The following ATF7IP variants were observed in gnomAD, a reference collection of about 807,000 sequenced individuals.
ATF7IP encodes the protein activating transcription factor 7 interacting protein, also known as activating transcription factor 7-interacting protein 1.
Under a neutral mutation model 106.4 loss-of-function variants are expected in ATF7IP, and 23 were observed. The ratio of observed to expected loss-of-function variants is 0.22; its 90% confidence interval spans 0.16 to 0.31. The LOEUF is 0.31. Ranked by LOEUF, ATF7IP falls within the 10% of genes least tolerant of loss-of-function variation. The pLI is 1.00. For missense variants in ATF7IP, 1,334 were observed against 1,524.3 expected (o/e 0.88, Z 2.08); for synonymous variants, 542 against 539.0 (o/e 1.01, Z -0.08).
At chr12:14,489,922 A>G (rs1944753547) in intron 13 of ATF7IP, among the ~76,000 whole-genome samples, 1 of 152,200 alleles carries the variant, frequency 6.6e-6, no homozygotes, top group Non-Finnish European at 1.5e-5. Context: ...GTATATGTCT[A>G]TTCCAGGGAG....
intron 2 of ATF7IP, among the ~76,000 whole-genome samples, chr12:14,427,065 G>A (rs954801472): frequency 2.0e-5 from 3 of 152,032 alleles, no homozygotes; most frequent in Admixed American, 6.5e-5. Flanking sequence ...TAGAGCACCA[G>A]ATGTATTAGG....
At chr12:14,377,694 GTCTCTGCCT>G (rs1938812252) in intron 1 of ATF7IP, among the ~76,000 whole-genome samples, 1 of 150,616 alleles carries the variant, frequency 6.6e-6, no homozygotes, top group African/African-American at 2.4e-5. Context: ...GCTCACTCCA[GTCTCTGCCT>G]TCTGAGTTCA....
chr12:14,385,530 C>A lies in ATF7IP; in HGVS notation c.-8+19703C>A, dbSNP rs1360736730. 5.5e-6 allele frequency: 4 copies of A among 733,232 alleles called. No individual in the cohort carries two copies. In the Admixed American group the frequency reaches 1.1e-4, roughly 20 times the overall value. 45.4% of individuals were successfully genotyped at this position (733,232 alleles called of 1,614,324 possible). A position where few individuals can be genotyped will look rare whatever the true frequency, so the allele number is the denominator to read the frequency against. ...TAAAAAGTTGAAATGTTTGGTAGAA[C>A]CTTTAAGCCTTTATTATGGAAACAG... is the stretch of plus-strand genomic sequence containing the variant. On this transcript the variant is annotated intron_variant, in intron 1 of 14. Transcript: ENST00000261168.
Position 14,460,552 on chromosome 12 carries a change from A to G in ATF7IP, c.2216A>G (p.Gln739Arg). 1 of 1,614,206 alleles carries G rather than the reference A, an allele frequency of 6.2e-7. No individual in the cohort carries two copies. Among genetic ancestry groups the G allele is most frequent in the Non-Finnish European group, 8.5e-7 (1 of 1,180,028 alleles). Residue 739 changes from glutamine to arginine, a missense_variant, in exon 9 of 15, where the codon CAG becomes CGG. By Grantham distance (43) the Gln-to-Arg change is conservative. Coordinates refer to ENST00000261168, the MANE Select transcript of ATF7IP (RefSeq NM_018179.5). ...PAVVSSQPKL[Q>R]TPVTSGSLTA... ...GTTGTCAGTAGTCAACCTAAATTGCAGACTCCAGTGACTTCGGGTTCCCTC... is the reference window on the plus strand; with the variant it reads ...GTTGTCAGTAGTCAACCTAAATTGCGGACTCCAGTGACTTCGGGTTCCCTC...
intron 10 of ATF7IP, among the ~76,000 whole-genome samples, chr12:14,473,962 G>A (rs1157015255): frequency 6.6e-6 from 1 of 151,820 alleles, no homozygotes; most frequent in East Asian, 1.9e-4. Flanking sequence ...TTGGTTTTCA[G>A]TATTTGAACT....
At chr12:14,460,287 A>G (rs931605331) in intron 8 of ATF7IP, among the ~76,000 whole-genome samples, 8 of 152,206 alleles carry the variant, frequency 5.3e-5, no homozygotes, top group African/African-American at 1.9e-4. Flanking sequence ...CTGTTTTTGT[A>G]ATTTACTAAA....
At chr12:14,468,272 CA>C (rs567695230) in intron 10 of ATF7IP, among the ~76,000 whole-genome samples, 3,054 of 65,702 alleles carry the variant, frequency 0.046, 86 homozygotes, top group African/African-American at 0.14. Context: ...CATCCCATCT[CA>C]AAAAAAAAAA....
intron 2 of ATF7IP, among the ~76,000 whole-genome samples, chr12:14,426,748 C>G (rs1386960913): frequency 7.1e-6 from 1 of 140,972 alleles, no homozygotes; most frequent in Non-Finnish European, 1.5e-5. Flanking sequence ...ATCACTTGAA[C>G]CTGGGTGGTC....
Position 14,441,456 on chromosome 12 carries a change from A to G in ATF7IP, c.1929+3189A>G, listed in dbSNP as rs1214702746. Among the ~76,000 whole-genome samples the G allele has an allele frequency of 3.3e-5, 5 of 150,684 alleles. No homozygotes were observed. The East Asian group carries it at 9.7e-4, about 29-fold the overall frequency. ...TTTGCTTTTTTGTTGTTGAGTTGTA[A>G]GAATTATTTATATATTCTGGATACC... On this transcript the variant is annotated intron_variant, in intron 5 of 14. Coordinates refer to ENST00000261168, the MANE Select transcript of ATF7IP (RefSeq NM_018179.5).
chr12:14,502,399 C>T lies in ATF7IP; in HGVS notation c.*4326C>T, dbSNP rs1188535512. On this transcript the variant is annotated 3_prime_UTR_variant, in exon 15 of 15. Coordinates refer to ENST00000261168, the MANE Select transcript of ATF7IP (RefSeq NM_018179.5). ...ATGGGGAGGAATAGGATAATGCAAA[C>T]ACATGTTTTGTTTTCTCATTTTCAA... is the stretch of plus-strand genomic sequence containing the variant. 1.3e-5 allele frequency: 2 copies of T among 149,230 alleles called. No homozygotes were observed. Among genetic ancestry groups the T allele is most frequent in the African/African-American group, 4.8e-5 (2 of 41,254 alleles). The allele number at this position is 149,230 out of a possible 1,614,324, so 9.2% of individuals were successfully genotyped here.
At chr12:14,427,364 T>G (rs529371711) in intron 2 of ATF7IP, among the ~76,000 whole-genome samples, 1 of 150,146 alleles carries the variant, frequency 6.7e-6, no homozygotes, top group East Asian at 2.0e-4. Context: ...TGAGTCTAAT[T>G]CTTTTTTTTT....
At chr12:14,497,587 T>G in intron 14 of ATF7IP, 67 bp from the exon 15 acceptor site, 3 of 1,457,258 alleles carry the variant, frequency 2.1e-6, no homozygotes, top group Non-Finnish European at 2.8e-6. Flanking sequence ...CTAAGGTGTT[T>G]TAATTCTAAC....
intron 11 of ATF7IP, among the ~76,000 whole-genome samples, chr12:14,477,569 G>T (rs1944301565): frequency 6.6e-6 from 1 of 152,204 alleles, no homozygotes; most frequent in Non-Finnish European, 1.5e-5. Flanking sequence ...TAGCATCCAT[G>T]CCTCATGGGG....
In ATF7IP at chr12:14,410,170, T is replaced by C. The variant is rs561197387; in HGVS notation, c.-7-13739T>C. On this transcript the variant is annotated intron_variant, in intron 1 of 14. Coordinates refer to ENST00000261168, the MANE Select transcript of ATF7IP (RefSeq NM_018179.5). ...GCCTATTCTGGACATTTCATATACA[T>C]TAGTCCCCCCTTCTCCACAGTTTTC... Among the ~76,000 whole-genome samples the C allele has an allele frequency of 9.8e-5, 15 of 152,308 alleles. No homozygotes were observed. In the South Asian group the frequency reaches 2.9e-3, roughly 29 times the overall value.
Position 14,446,636 on chromosome 12 carries a change from A to G in ATF7IP, c.1930-352A>G, listed in dbSNP as rs574933125. The stretch of plus-strand genomic sequence containing the variant: ...AGATATTTCCACTTTATAATTCTCA[A>G]TGAGAAAATCAAGTGTGATTACAAC... On this transcript the variant is annotated intron_variant, in intron 5 of 14. Transcript: ENST00000261168. Among the ~76,000 whole-genome samples the G allele has an allele frequency of 1.5e-4, 23 of 152,332 alleles. No homozygotes were observed. In the South Asian group the frequency reaches 2.5e-3, roughly 16 times the overall value.
At chr12:14,423,574 CTT>C in intron 1 of ATF7IP, among the ~76,000 whole-genome samples, 34 of 34,386 alleles carry the variant, frequency 9.9e-4, no homozygotes, top group African/African-American at 4.6e-3. Flanking sequence ...TCTTCAGGTA[CTT>C]TTTTTTTTTT....
chr12:14,373,117 A>G (rs1344981754), intron 1 of ATF7IP, among the ~76,000 whole-genome samples: 2 of 152,140 alleles, frequency 1.3e-5, no homozygotes, highest in Admixed American at 1.3e-4. Context: ...GGAGCCTTAG[A>G]TGTATATCTG....
chr12:14,466,243 T>G, intron 9 of ATF7IP: 1 of 281,396 alleles, frequency 3.6e-6, no homozygotes. Context: ...TTAGAACATT[T>G]AAGTTATGTG....
intron 9 of ATF7IP, among the ~76,000 whole-genome samples, chr12:14,461,769 A>G (rs1247664052): frequency 6.6e-6 from 1 of 152,134 alleles, no homozygotes; most frequent in East Asian, 1.9e-4. Flanking sequence ...GTTCCTAGAA[A>G]GAGTTTGTTT....
Sources: gnomAD v4.1 joint callset for allele counts (sites outside exome capture counted in the v4.1 genomes callset) on GRCh38, gnomAD v4.1.1 for gene constraint, MANE v1.5 for transcripts, NCBI Gene and HGNC (gene_info 2026-07-23, HGNC 2026-07-21) for gene names.